CDH7: variants seen among roughly 807,000 people sequenced by gnomAD.
CDH7 encodes cadherin 7.
A neutral mutation model predicts 71.8 loss-of-function variants in CDH7; 25 were observed. That is an observed-to-expected ratio of 0.35 (90% CI 0.25 to 0.49). The LOEUF is 0.49. Ranked by LOEUF, CDH7 falls within the 20% of genes least tolerant of loss-of-function variation. The pLI, the probability that CDH7 is intolerant of heterozygous loss-of-function variation, is 0.99. For missense variants in CDH7, 862 were observed against 974.6 expected (o/e 0.88, Z 1.54); for synonymous variants, 381 against 363.8 (o/e 1.05, Z -0.54).
At chr18:65,848,402 A>C (rs935846079) in intron 7 of CDH7, among the ~76,000 whole-genome samples, 3 of 152,204 alleles carry the variant, frequency 2.0e-5, no homozygotes, top group Non-Finnish European at 2.9e-5. Context: ...GAGCTCATAA[A>C]AGTTAAACAA....
intron 11 of CDH7, among the ~76,000 whole-genome samples, chr18:65,864,760 G>A (rs537740170): frequency 1.6e-3 from 249 of 151,498 alleles, no homozygotes; most frequent in Non-Finnish European, 3.0e-3. Flanking sequence ...GAGTGGTGGC[G>A]GGCGCCTGTA....
intron 1 of CDH7, among the ~76,000 whole-genome samples, chr18:65,758,169 A>G (rs368770712): frequency 5.3e-5 from 8 of 152,218 alleles, no homozygotes; most frequent in African/African-American, 1.9e-4. Context: ...TGTGTGAGAA[A>G]AATCTCAAGT....
At chr18:65,870,841 T>C (rs1913905973) in intron 11 of CDH7, among the ~76,000 whole-genome samples, 1 of 152,214 alleles carries the variant, frequency 6.6e-6, no homozygotes, top group African/African-American at 2.4e-5. Flanking sequence ...ATAAAACCTT[T>C]TGAATGTAGT....
At chr18:65,840,737 C>G (rs1249634431) in intron 6 of CDH7, among the ~76,000 whole-genome samples, 1 of 152,106 alleles carries the variant, frequency 6.6e-6, no homozygotes, top group Non-Finnish European at 1.5e-5. Flanking sequence ...AACTGTGAGT[C>G]CATTAAACCT....
chr18:65,817,746 A>G (rs1911771918), intron 4 of CDH7, among the ~76,000 whole-genome samples: 1 of 152,162 alleles, frequency 6.6e-6, no homozygotes, highest in Admixed American at 6.6e-5. Flanking sequence ...TGATTTACTG[A>G]TAAATGTCTG....
chr18:65,887,206 T>C lies in CDH7; in HGVS notation c.*6312T>C, dbSNP rs1914393930. 1 of 152,140 alleles carries C rather than the reference T, an allele frequency of 6.6e-6. No homozygotes were observed. The highest frequency in any genetic ancestry group is 1.5e-5 in the Non-Finnish European group (1 of 68,028). The allele number at this position is 152,140 out of a possible 1,614,324, so 9.4% of individuals were successfully genotyped here. A position where few individuals can be genotyped will look rare whatever the true frequency, so the allele number is the denominator to read the frequency against. On this transcript the variant is annotated 3_prime_UTR_variant, in exon 12 of 12. Coordinates refer to ENST00000397968, the MANE Select transcript of CDH7 (RefSeq NM_004361.5). ...AGTATAAACCCTATGTTTTTGTATA[T>C]CAAGATCTGGAATATGTTGTATACT...
chr18:65,810,388 G>T (rs551009114), intron 3 of CDH7, among the ~76,000 whole-genome samples: 1 of 152,148 alleles, frequency 6.6e-6, no homozygotes, highest in South Asian at 2.1e-4. Flanking sequence ...ATGATATTAA[G>T]ATATTGATTC....
chr18:65,862,485 T>C (rs1913599548), intron 10 of CDH7, among the ~76,000 whole-genome samples, 181 bp from the exon 11 acceptor site: 1 of 152,248 alleles, frequency 6.6e-6, no homozygotes, highest in Non-Finnish European at 1.5e-5. Flanking sequence ...TGTCTTATAA[T>C]GTATTAAACT....
At chr18:65,843,035 A>G (rs1026122517) in intron 6 of CDH7, among the ~76,000 whole-genome samples, 2 of 152,078 alleles carry the variant, frequency 1.3e-5, no homozygotes, top group Non-Finnish European at 2.9e-5. Flanking sequence ...TGTGTATATG[A>G]TTTTTATTTT....
At chr18:65,878,344 G>A (rs17075416) in intron 11 of CDH7, among the ~76,000 whole-genome samples, 8,875 of 152,260 alleles carry the variant, frequency 0.058, 316 homozygotes, top group Middle Eastern at 0.078. Context: ...ACACTGTGAA[G>A]ATTGATGTTG....
intron 6 of CDH7, among the ~76,000 whole-genome samples, chr18:65,838,757 A>T (rs1438587416): frequency 6.6e-6 from 1 of 152,236 alleles, no homozygotes; most frequent in African/African-American, 2.4e-5. Flanking sequence ...TTTAATATTG[A>T]AAAGGCTACA....
At chr18:65,767,555 A>C (rs922204980) in intron 2 of CDH7, among the ~76,000 whole-genome samples, 4 of 152,194 alleles carry the variant, frequency 2.6e-5, no homozygotes, top group Non-Finnish European at 5.9e-5. Flanking sequence ...GAAAATGTAG[A>C]TTGCCTAATG....
chr18:65,822,106 C>G lies in CDH7; in HGVS notation c.651C>G (p.Asn217Lys), dbSNP rs1272393362. 6.2e-7 allele frequency: 1 copy of G among 1,613,012 alleles called. No individual in the cohort carries two copies. Among genetic ancestry groups the G allele is most frequent in the East Asian group, 2.2e-5 (1 of 44,802 alleles). ...KTGVIKTALP[N>K]MDREAKDQYL... ...GAGTCATCAAGACTGCCCTTCCAAA[C>G]ATGGATAGAGAGGCTAAAGACCAGT... The change falls in exon 5 of 12, where the codon AAC becomes AAG. Residue 217 changes from asparagine (N) to lysine (K), a missense_variant. Asn to Lys is a moderately conservative substitution (Grantham distance 94). Transcript: ENST00000397968.
intron 2 of CDH7, among the ~76,000 whole-genome samples, chr18:65,775,334 T>G (rs1457215556): frequency 9.9e-5 from 15 of 152,178 alleles, no homozygotes. Context: ...TTCTGTAAAA[T>G]GGGTTTAACA....
chr18:65,863,151 C>T (rs1913639551), intron 11 of CDH7: 1 of 556,842 alleles, frequency 1.8e-6, no homozygotes, highest in Non-Finnish European at 3.2e-6. Context: ...AATTCTCCCA[C>T]CTCAGCCTCC....
At chr18:65,789,809 A>G (rs1910645965) in intron 2 of CDH7, among the ~76,000 whole-genome samples, 1 of 152,132 alleles carries the variant, frequency 6.6e-6, no homozygotes, top group South Asian at 2.1e-4. Context: ...TCATTGTTGC[A>G]TTTACAGCAC....
chr18:65,829,466 T>TAAAAA (rs35511160), intron 6 of CDH7, among the ~76,000 whole-genome samples: 1 of 144,746 alleles, frequency 6.9e-6, no homozygotes, highest in Non-Finnish European at 1.5e-5. Flanking sequence ...TAGGTAAAAT[T>TAAAAA]AAAAAAAAAA....
chr18:65,785,349 G>A (rs886569026), intron 2 of CDH7, among the ~76,000 whole-genome samples: 1 of 152,076 alleles, frequency 6.6e-6, no homozygotes, highest in African/African-American at 2.4e-5. Flanking sequence ...TGATGACAGT[G>A]TTGTAGATAA....
At chr18:65,831,356 C>T (rs1007109536) in intron 6 of CDH7, among the ~76,000 whole-genome samples, 3 of 152,104 alleles carry the variant, frequency 2.0e-5, no homozygotes, top group Non-Finnish European at 4.4e-5. Flanking sequence ...TAAAAGAACG[C>T]GATCTGCTGG....
Sources: allele counts gnomAD v4.1 joint callset (sites outside exome capture counted in the v4.1 genomes callset), GRCh38; gene constraint gnomAD v4.1.1; transcripts MANE v1.5; gene names NCBI Gene and HGNC (gene_info 2026-07-23, HGNC 2026-07-21).